The following LAMC3 variants were observed in gnomAD, a reference collection of about 807,000 sequenced individuals.
LAMC3 encodes the protein laminin subunit gamma-3.
A neutral mutation model predicts 173.8 loss-of-function variants in LAMC3; 128 were observed. The ratio of observed to expected loss-of-function variants is 0.74; its 90% CI spans 0.64 to 0.85. The LOEUF (loss-of-function observed/expected upper bound fraction) is 0.85, where lower values mean the gene tolerates loss of function less well. LAMC3 is among the 40% of genes least tolerant of loss of function. The pLI is 0.00. For missense variants in LAMC3, 2,022 were observed against 2,156.0 expected (o/e 0.94, Z 1.23); for synonymous variants, 897 against 909.1 (o/e 0.99, Z 0.24).
chr9:131,073,221 CTCCTCT>C lies in LAMC3; in HGVS notation c.3418-15_3418-10del, dbSNP rs1830066505. 2 of 1,588,888 alleles carry C rather than the reference CTCCTCT, an allele frequency of 1.3e-6. No individual in the cohort carries two copies. Among genetic ancestry groups the C allele is most frequent in the Non-Finnish European group, 1.7e-6 (2 of 1,159,730 alleles). On this transcript the variant is annotated intron_variant, in intron 19 of 27. Coordinates refer to ENST00000361069, the MANE Select transcript of LAMC3 (RefSeq NM_006059.4). Reference sequence around the variant, plus strand: ...CCTTTGGCGATGGGCCATCAGTTTCCTCCTCTTCCTCTTCTTTCTACAGGAGATTCC... The same window carrying C: ...CCTTTGGCGATGGGCCATCAGTTTCCTCCTCTTCTTTCTACAGGAGATTCC...
intron 3 of LAMC3, among the ~76,000 whole-genome samples, chr9:131,032,507 G>GCT (rs1460843766): frequency 2.4e-5 from 2 of 82,464 alleles, no homozygotes; most frequent in South Asian, 3.6e-4. Context: ...TCTCTCACTC[G>GCT]CTCTCTCTCT....
chr9:131,084,406 T>C (rs1830294376), intron 24 of LAMC3, among the ~76,000 whole-genome samples: 1 of 152,006 alleles, frequency 6.6e-6, no homozygotes, highest in African/African-American at 2.4e-5. Flanking sequence ...AGATGAGGTC[T>C]CACTATGTTT....
At chr9:131,079,068 G>A in intron 22 of LAMC3, 81 bp from the exon 23 acceptor site, 1 of 1,548,432 alleles carries the variant, frequency 6.5e-7, no homozygotes, top group Non-Finnish European at 8.8e-7. Context: ...CCTCAGCCCA[G>A]CAGGGCACCT....
intron 1 of LAMC3, among the ~76,000 whole-genome samples, chr9:131,025,081 A>G (rs1833692680): frequency 3.3e-5 from 5 of 151,958 alleles, no homozygotes; most frequent in Admixed American, 3.3e-4. Context: ...TTGAAATCAT[A>G]CCCGCTCTCA....
rs1833793549 is a variant in LAMC3 at position 131,029,812 on chromosome 9, TG to T, written c.679-2232del. On this transcript the variant is annotated intron_variant, in intron 2 of 27. Transcript: ENST00000361069. This position sits in a 1 kb window ranked among gnomAD's most constrained non-coding sequence, Gnocchi z 4.6. ...CACCCCTTGGACATAGAGCCCAAGC[TG>T]TCCACCTCCTGCTTCTCCTTAATGC... 6.6e-6 allele frequency among the ~76,000 whole-genome samples: 1 copy of T among 152,200 alleles called. No individual in the cohort carries two copies. The highest frequency in any genetic ancestry group is 1.5e-5 in the Non-Finnish European group (1 of 68,036).
At chr9:131,041,809 G>T in intron 7 of LAMC3, 74 bp downstream of exon 7, 1 of 1,335,774 alleles carries the variant, frequency 7.5e-7, no homozygotes. Context: ...CAAAGCTGTG[G>T]AGTGCGGGGA....
At chr9:131,043,779 G>A (rs1394783703) in intron 7 of LAMC3, among the ~76,000 whole-genome samples, 1 of 152,190 alleles carries the variant, frequency 6.6e-6, no homozygotes, top group African/African-American at 2.4e-5. Flanking sequence ...AGCTGCCGAT[G>A]AATGCTGACA....
At chr9:131,082,295 C>T (rs1419544462) in intron 24 of LAMC3, 134 bp downstream of exon 24, 1 of 708,130 alleles carries the variant, frequency 1.4e-6, no homozygotes, top group Non-Finnish European at 2.6e-6. Flanking sequence ...GCCAAACAGA[C>T]TTTCCCTCCA....
At position 131,046,518 on chromosome 9, in the gene LAMC3, A is replaced by ATTTTTTTTTTTTTTTTT. The variant is rs71501242; in HGVS notation, c.1519+868_1519+884dup. 1.4e-3 allele frequency among the ~76,000 whole-genome samples: 68 copies of ATTTTTTTTTTTTTTTTT among 49,164 alleles called. 14 individuals are homozygous for ATTTTTTTTTTTTTTTTT. Among genetic ancestry groups the ATTTTTTTTTTTTTTTTT allele is most frequent in the Admixed American group, 2.5e-3 (7 of 2,768 alleles). The allele number at this position is 49,164 out of a possible 152,430, so 32.3% of individuals were successfully genotyped here. On this transcript the variant is annotated intron_variant, in intron 8 of 27. Transcript: ENST00000361069. ...ACCACCATGCCGAGCTAATTTTTGT[A>ATTTTTTTTTTTTTTTTT]TTTTTTTTTTTTTTTTTTTTTTTTT...
At chr9:131,054,379 T>C (rs1260038948) in intron 11 of LAMC3, among the ~76,000 whole-genome samples, 1 of 152,158 alleles carries the variant, frequency 6.6e-6, no homozygotes. Flanking sequence ...CCTCTTTCCA[T>C]GGGTAATGTT....
In LAMC3 at chr9:131,087,545, C is replaced by T. The variant is rs1334438218; in HGVS notation, c.4300C>T (p.Gln1434Ter). ...TGCCAGCAGGCTCACCAGCCAGACG[C>T]AAGCCACGCTCCAACAGGCGTCCCA... ...RRASRLTSQT[Q>*]ATLQQASQQV... The change falls in exon 26 of 28, where the codon CAA becomes TAA. Residue 1434 changes from glutamine to a stop codon, truncating the protein, a stop_gained. Transcript: ENST00000361069. LOFTEE classifies it high-confidence loss of function. 1 of 1,613,886 alleles carries T rather than the reference C, an allele frequency of 6.2e-7. No individual in the cohort carries two copies. The highest frequency in any genetic ancestry group is 8.5e-7 in the Non-Finnish European group (1 of 1,180,004).
In LAMC3 at chr9:131,068,100, C is replaced by T; in HGVS notation, c.2616C>T (p.Gly872=). ...KCMPCSCHPQ[G]SVSEQMPCDP... ...CAGCTTGCAGCTGTCACCCACAGGG[C>T]TCGGTCAGTGAGCAGATGCCCTGCG... Residue 872 remains glycine, a synonymous_variant, in exon 15 of 28, where the codon GGC becomes GGT. Transcript: ENST00000361069. The T allele has an allele frequency of 1.9e-6, 3 of 1,612,122 alleles. No homozygotes were observed. The highest frequency in any genetic ancestry group is 2.5e-6 in the Non-Finnish European group (3 of 1,180,020).
intron 13 of LAMC3, among the ~76,000 whole-genome samples, chr9:131,064,056 C>T (rs1448932987): frequency 6.6e-6 from 1 of 152,108 alleles, no homozygotes; most frequent in Non-Finnish European, 1.5e-5. Flanking sequence ...TACAGGCATG[C>T]ACCACCATGC....
intron 1 of LAMC3, among the ~76,000 whole-genome samples, chr9:131,022,515 A>G (rs1011539198): frequency 1.3e-5 from 2 of 152,174 alleles, no homozygotes; most frequent in Admixed American, 1.3e-4. Context: ...GTATATACAC[A>G]CAGTTGTGCA....
Position 131,061,077 on chromosome 9 carries a change from A to T in LAMC3, c.2201A>T (p.Glu734Val), listed in dbSNP as rs376100801. The change falls in exon 13 of 28, where the codon GAA becomes GTA. Residue 734 changes from glutamate to valine, a missense_variant. Physicochemically the swap from Glu to Val is moderately radical, Grantham distance 121. Coordinates refer to ENST00000361069, the MANE Select transcript of LAMC3 (RefSeq NM_006059.4). ...CACCATACCGAGGGCCCATCCTGTG[A>T]ACGCTGTTTGCCAGGTTTCTATGGC... ...CSHHTEGPSC[E>V]RCLPGFYGNP... is the part of the protein sequence containing the mutation. The T allele has an allele frequency of 2.9e-5, 47 of 1,614,134 alleles. No individual in the cohort carries two copies. In the African/African-American group the frequency reaches 5.9e-4, roughly 20 times the overall value.
chr9:131,065,972 G>A (rs1266195269), intron 13 of LAMC3, among the ~76,000 whole-genome samples: 1 of 152,160 alleles, frequency 6.6e-6, no homozygotes, highest in African/African-American at 2.4e-5. Context: ...AACTTTGCGA[G>A]GCCTGAGGTC....
At chr9:131,022,450 C>A (rs1833643774) in intron 1 of LAMC3, among the ~76,000 whole-genome samples, 1 of 152,226 alleles carries the variant, frequency 6.6e-6, no homozygotes, top group Non-Finnish European at 1.5e-5. Context: ...TTAGGAGATA[C>A]AATTCACATA....
intron 1 of LAMC3, among the ~76,000 whole-genome samples, chr9:131,024,087 C>G (rs780681401): frequency 4.0e-5 from 6 of 149,232 alleles, no homozygotes; most frequent in Non-Finnish European, 7.4e-5. Context: ...TAAGAAGGCT[C>G]TTCTAGTGCA....
At chr9:131,055,574 G>C (rs1005414907) in intron 11 of LAMC3, among the ~76,000 whole-genome samples, 1 of 151,328 alleles carries the variant, frequency 6.6e-6, no homozygotes, top group Non-Finnish European at 1.5e-5. Flanking sequence ...ACAGGCGCCC[G>C]CCACCACGCC....
Sources: allele counts gnomAD v4.1 joint callset (sites outside exome capture counted in the v4.1 genomes callset), GRCh38; gene constraint gnomAD v4.1.1; non-coding constraint Gnocchi (gnomAD v3.1); transcripts MANE v1.5; gene names NCBI Gene and HGNC (gene_info 2026-07-23, HGNC 2026-07-21).